Variants in BEND7 observed in about 807,000 individuals in gnomAD.
BEND7 encodes the protein BEN domain containing 7.
BEND7 carries 28 observed loss-of-function variants against 50.9 expected under a neutral mutation model. The observed-to-expected ratio is 0.55, with a 90% CI of 0.41 to 0.75. BEND7 has a LOEUF of 0.75. Ranked by LOEUF, BEND7 falls within the 30% of genes least tolerant of loss-of-function variation. BEND7 has a pLI of 0.00. For missense variants in BEND7, 477 were observed against 491.3 expected, an observed-to-expected ratio of 0.97 and a Z score of 0.28; for synonymous variants, 170 against 183.9, an observed-to-expected ratio of 0.92 and a Z score of 0.61.
downstream of BEND7, among the ~76,000 whole-genome samples, chr10:13,439,750 G>C (rs1440048760): frequency 6.6e-6 from 1 of 152,058 alleles, no homozygotes; most frequent in Non-Finnish European, 1.5e-5. Flanking sequence ...TCTTCAGCCC[G>C]CCCCCTCCTG....
chr10:13,441,965 G>T, intron 8 of BEND7: 1 of 547,190 alleles, frequency 1.8e-6, no homozygotes. Flanking sequence ...TTTTGTTACA[G>T]TACAGGGATG....
intron 6 of BEND7, among the ~76,000 whole-genome samples, chr10:13,472,353 T>A (rs10796085): frequency 6.6e-6 from 1 of 151,596 alleles, no homozygotes; most frequent in African/African-American, 2.4e-5. Context: ...ACATCATCAT[T>A]GCTGTTAGAC....
chr10:13,459,092 A>G (rs1839659580), intron 6 of BEND7, among the ~76,000 whole-genome samples: 1 of 152,212 alleles, frequency 6.6e-6, no homozygotes, highest in African/African-American at 2.4e-5. Context: ...TTGAGCACGC[A>G]GTGACGGTAC....
At chr10:13,450,862 AATT>A (rs983370885) in intron 7 of BEND7, among the ~76,000 whole-genome samples, 5 of 151,876 alleles carry the variant, frequency 3.3e-5, no homozygotes, top group African/African-American at 1.2e-4. Flanking sequence ...TTGTGATGGG[AATT>A]ATTAATAGAA....
chr10:13,449,895 T>C (rs1379816266), intron 7 of BEND7, among the ~76,000 whole-genome samples: 1 of 152,236 alleles, frequency 6.6e-6, no homozygotes, highest in Non-Finnish European at 1.5e-5. Context: ...ATAACATCTA[T>C]CTGCAACAAC....
downstream of BEND7, chr10:13,439,611 G>A (rs1564480394): frequency 3.9e-6 from 4 of 1,029,100 alleles, no homozygotes; most frequent in Admixed American, 3.0e-5. Flanking sequence ...CACCCCTCCT[G>A]GTTCGTCAGC....
At chr10:13,477,806 C>A (rs550347456) in intron 6 of BEND7, among the ~76,000 whole-genome samples, 1 of 152,150 alleles carries the variant, frequency 6.6e-6, no homozygotes, top group Non-Finnish European at 1.5e-5. Context: ...AATAAATTAA[C>A]GTCAAAGTCA....
intron 2 of BEND7, among the ~76,000 whole-genome samples, chr10:13,509,343 C>A (rs772861975): frequency 6.6e-6 from 1 of 152,184 alleles, no homozygotes; most frequent in African/African-American, 2.4e-5. Flanking sequence ...CAGCTTCCTA[C>A]GGACCCTGGG....
Position 13,441,766 on chromosome 10 carries a change from G to C in BEND7, c.1235-16C>G. 6.2e-7 allele frequency: 1 copy of C among 1,613,232 alleles called. No homozygotes were observed. Among genetic ancestry groups the C allele is most frequent in the Non-Finnish European group, 8.5e-7 (1 of 1,179,418 alleles). On this transcript the variant is annotated splice_polypyrimidine_tract_variant and intron_variant, in intron 8 of 8. Transcript: ENST00000466271. The stretch of plus-strand genomic sequence containing the variant: ...CATCAGACCACTTGAGAAAACAAAG[G>C]GACTGTTGTCAGGAACGGGATTACT...
At chr10:13,440,572 C>G (rs1274560846), downstream of BEND7, among the ~76,000 whole-genome samples, 5 of 152,238 alleles carry the variant, frequency 3.3e-5, no homozygotes, top group Admixed American at 3.3e-4. Context: ...GATTCCAGCC[C>G]GCTGGTGCGG....
At position 13,474,061 on chromosome 10, in the gene BEND7, G is replaced by A. The variant is rs560542984; in HGVS notation, c.1063+6838C>T. Among the ~76,000 whole-genome samples the A allele has an allele frequency of 9.2e-5, 14 of 151,738 alleles. No individual in the cohort carries two copies. In the South Asian group the frequency reaches 2.7e-3, roughly 29 times the overall value. On this transcript the variant is annotated intron_variant, in intron 6 of 8. Transcript: ENST00000466271. ...CATTATCGCTCTTAGATTTGGGGTCGATACCCATCATCACTGTTAGACACA... is the reference window on the plus strand; with the variant it reads ...CATTATCGCTCTTAGATTTGGGGTCAATACCCATCATCACTGTTAGACACA...
intron 2 of BEND7, among the ~76,000 whole-genome samples, chr10:13,504,516 G>C (rs1459307591): frequency 6.6e-6 from 1 of 152,052 alleles, no homozygotes; most frequent in Non-Finnish European, 1.5e-5. Flanking sequence ...AAAAAAAATT[G>C]GTGAAAAGTA....
chr10:13,525,458 G>T (rs890617126), intron 2 of BEND7, among the ~76,000 whole-genome samples: 1 of 152,194 alleles, frequency 6.6e-6, no homozygotes, highest in African/African-American at 2.4e-5. Context: ...CGTGAGCTGG[G>T]AACAAGGATG....
At chr10:13,470,458 G>T (rs1283381232) in intron 6 of BEND7, among the ~76,000 whole-genome samples, 1 of 152,158 alleles carries the variant, frequency 6.6e-6, no homozygotes, top group African/African-American at 2.4e-5. Context: ...TGCAGGTTTT[G>T]TAAGAATTCA....
intron 6 of BEND7, among the ~76,000 whole-genome samples, chr10:13,458,876 T>G (rs1839601502): frequency 6.6e-6 from 1 of 152,118 alleles, no homozygotes; most frequent in African/African-American, 2.4e-5. Context: ...CCTCTTACTG[T>G]CTTAGAGCTA....
At chr10:13,441,060 C>A, downstream of BEND7, 1 of 977,156 alleles carries the variant, frequency 1.0e-6, no homozygotes, top group African/African-American at 1.8e-5. Context: ...ACAGGAAGAC[C>A]GGCACACAGG....
intron 6 of BEND7, among the ~76,000 whole-genome samples, chr10:13,464,502 G>A (rs1481981010): frequency 6.6e-6 from 1 of 152,184 alleles, no homozygotes; most frequent in Admixed American, 6.5e-5. Flanking sequence ...AAGTAAGAAT[G>A]AATGGGAAAG....
downstream of BEND7, chr10:13,439,358 C>T (rs1413642358): frequency 6.2e-7 from 1 of 1,614,132 alleles, no homozygotes; most frequent in Admixed American, 1.7e-5. Context: ...TAAGGTTGTT[C>T]AGGAGCACGA....
At chr10:13,473,335 G>A (rs28519437) in intron 6 of BEND7, among the ~76,000 whole-genome samples, 77,980 of 148,402 alleles carry the variant, frequency 0.53, 21,633 homozygotes, top group East Asian at 0.75. Flanking sequence ...GATGGTATCC[G>A]TCATCGCTGT....
Sources: allele counts gnomAD v4.1 joint callset (sites outside exome capture counted in the v4.1 genomes callset), GRCh38; gene constraint gnomAD v4.1.1; transcripts MANE v1.5; gene names NCBI Gene and HGNC (gene_info 2026-07-23, HGNC 2026-07-21).